Variants in RYR2 observed in about 807,000 individuals in gnomAD.
The protein encoded by RYR2 is ryanodine receptor 2.
A neutral mutation model predicts 601.1 loss-of-function variants in RYR2; 227 were observed. The observed-to-expected ratio is 0.38, with a 90% CI of 0.34 to 0.42. The LOEUF is 0.42. Ranked by LOEUF, RYR2 falls within the 10% of genes least tolerant of loss-of-function variation. The pLI is 1.00. For synonymous variants in RYR2, 2,223 were observed against 2,175.1 expected, an observed-to-expected ratio of 1.02 and a Z score of -0.61; for missense variants, 4,646 against 6,156.5, an observed-to-expected ratio of 0.75 and a Z score of 8.21.
chr1:237,148,520 A>AT (rs1558319367), intron 1 of RYR2, among the ~76,000 whole-genome samples: 11 of 40,922 alleles, frequency 2.7e-4, no homozygotes, highest in African/African-American at 8.7e-4. Flanking sequence ...TCAAGTAAAA[A>AT]AAAAAAAATA....
At chr1:237,581,500 A>C (rs1224732492) in intron 29 of RYR2, among the ~76,000 whole-genome samples, 2 of 152,164 alleles carry the variant, frequency 1.3e-5, no homozygotes, top group African/African-American at 4.8e-5. Context: ...GGCAGGGAAA[A>C]CTTTCCATTA....
intron 76 of RYR2, among the ~76,000 whole-genome samples, chr1:237,729,480 C>CT (rs1460371064): frequency 6.6e-6 from 1 of 152,136 alleles, no homozygotes; most frequent in Non-Finnish European, 1.5e-5. Context: ...ATAAACCTGT[C>CT]TAACTGTTAC....
intron 81 of RYR2, among the ~76,000 whole-genome samples, chr1:237,756,887 T>C (rs1407475822): frequency 6.6e-6 from 1 of 152,240 alleles, no homozygotes; most frequent in African/African-American, 2.4e-5. Context: ...ATGTAATTTA[T>C]GGTATTTTGC....
At chr1:237,085,679 C>T (rs1039982207) in intron 1 of RYR2, among the ~76,000 whole-genome samples, 3 of 152,130 alleles carry the variant, frequency 2.0e-5, no homozygotes, top group Non-Finnish European at 4.4e-5. Flanking sequence ...TTGGAGGGGC[C>T]TGGAATCCTG....
chr1:237,255,626 T>C (rs1687882752), intron 1 of RYR2, among the ~76,000 whole-genome samples: 1 of 152,150 alleles, frequency 6.6e-6, no homozygotes, highest in African/African-American at 2.4e-5. Flanking sequence ...ATGAGGGCAG[T>C]TTCAATTTTT....
chr1:237,751,737 A>G (rs749018511), intron 80 of RYR2, among the ~76,000 whole-genome samples: 4 of 152,168 alleles, frequency 2.6e-5, no homozygotes, highest in Non-Finnish European at 5.9e-5. Context: ...ATTTTTACAG[A>G]GTGTTAAAGA....
chr1:237,308,703 C>T (rs1311647884), intron 2 of RYR2, among the ~76,000 whole-genome samples: 1 of 152,176 alleles, frequency 6.6e-6, no homozygotes, highest in African/African-American at 2.4e-5. Context: ...CTCATAAAAG[C>T]AGTGCAGACC....
In RYR2 at chr1:237,810,736, A is replaced by G. The variant is rs547236272; in HGVS notation, c.14433+1701A>G. Among the ~76,000 whole-genome samples the G allele has an allele frequency of 4.0e-3, 612 of 152,296 alleles. 2 individuals are homozygous for G. Among genetic ancestry groups the G allele is most frequent in the Admixed American group, 4.4e-3 (68 of 15,286 alleles). The stretch of plus-strand genomic sequence containing the variant: ...TGTCCTGATTAAGTCAGTTACGATA[A>G]ATCCATAACAAGTATGCATCTGTTT... On this transcript the variant is annotated intron_variant, in intron 100 of 104. Transcript: ENST00000366574.
At chr1:237,144,086 G>A (rs904708200) in intron 1 of RYR2, among the ~76,000 whole-genome samples, 2 of 151,726 alleles carry the variant, frequency 1.3e-5, no homozygotes, top group African/African-American at 2.4e-5. Context: ...CTGAGACTGC[G>A]CCACTGCACT....
At position 237,556,781 on chromosome 1, in the gene RYR2, A is replaced by G. The variant is rs74317483; in HGVS notation, c.3214+6090A>G. On this transcript the variant is annotated intron_variant, in intron 27 of 104. Transcript: ENST00000366574. ...GTGTTAAGCTGAAGAGTCATAACAC[A>G]GGGGGTTTAAATCAGCTTGGTGATA... Among the ~76,000 whole-genome samples the G allele has an allele frequency of 4.1e-3, 619 of 150,308 alleles. 4 individuals carry two copies. The highest frequency in any genetic ancestry group is 0.014 in the African/African-American group (573 of 40,812).
At chr1:237,240,964 G>A (rs148616250) in intron 1 of RYR2, among the ~76,000 whole-genome samples, 154 of 152,260 alleles carry the variant, frequency 1.0e-3, no homozygotes, top group African/African-American at 3.6e-3. Flanking sequence ...ACATTCACAG[G>A]TAACATTTTA....
intron 21 of RYR2, among the ~76,000 whole-genome samples, chr1:237,502,167 A>C (rs570807759): frequency 1.3e-5 from 2 of 152,192 alleles, no homozygotes; most frequent in African/African-American, 4.8e-5. Flanking sequence ...CACACAAAAA[A>C]AGAATTACGA....
intron 7 of RYR2, among the ~76,000 whole-genome samples, chr1:237,375,176 A>C (rs920566656): frequency 6.6e-6 from 1 of 152,248 alleles, no homozygotes; most frequent in Admixed American, 6.5e-5. Flanking sequence ...GCCAACATTC[A>C]AATAAAAAGA....
chr1:237,254,835 A>G (rs868475555), intron 1 of RYR2, among the ~76,000 whole-genome samples: 2 of 152,352 alleles, frequency 1.3e-5, no homozygotes, highest in Middle Eastern at 3.4e-3. Context: ...CTAAGGGGCC[A>G]GCCTGTCTGG....
intron 1 of RYR2, among the ~76,000 whole-genome samples, chr1:237,054,163 TCCTCCCTCCCTCCTTC>T (rs1299595401): frequency 4.0e-5 from 6 of 151,686 alleles, no homozygotes; most frequent in South Asian, 4.2e-4. Context: ...TCTTTCTCCT[TCCTCCCTCCCTCCTTC>T]CCTCCCTCCC....
At chr1:237,255,355 A>G (rs1178265344) in intron 1 of RYR2, among the ~76,000 whole-genome samples, 1 of 152,220 alleles carries the variant, frequency 6.6e-6, no homozygotes, top group Non-Finnish European at 1.5e-5. Context: ...TGTCAAATTA[A>G]ATGCTAAATT....
chr1:237,479,203 A>G (rs1661750778), intron 17 of RYR2, among the ~76,000 whole-genome samples: 1 of 152,200 alleles, frequency 6.6e-6, no homozygotes, highest in Non-Finnish European at 1.5e-5. Flanking sequence ...TTCCAAAAAT[A>G]CATCCACTTT....
intron 16 of RYR2, among the ~76,000 whole-genome samples, chr1:237,463,972 G>T: frequency 6.6e-6 from 1 of 152,244 alleles, no homozygotes; most frequent in East Asian, 1.9e-4. Context: ...AATTAAGAAG[G>T]CAGAAACTAC....
At chr1:237,093,166 G>C (rs1458294757) in intron 1 of RYR2, among the ~76,000 whole-genome samples, 1 of 152,144 alleles carries the variant, frequency 6.6e-6, no homozygotes, top group East Asian at 1.9e-4. Context: ...ATACCCACAG[G>C]AGGCTTGCAG....
Sources: allele counts gnomAD v4.1 joint callset (sites outside exome capture counted in the v4.1 genomes callset), GRCh38; gene constraint gnomAD v4.1.1; transcripts MANE v1.5; gene names NCBI Gene and HGNC (gene_info 2026-07-23, HGNC 2026-07-21).